The following GRID2 variants were observed in gnomAD, a reference collection of about 807,000 sequenced individuals.
The protein encoded by GRID2 is glutamate ionotropic receptor delta type subunit 2, also known as glutamate receptor ionotropic, delta-2.
Under a neutral mutation model 114.8 loss-of-function variants are expected in GRID2, and 33 were observed. That is an observed-to-expected ratio of 0.29 (90% CI 0.22 to 0.38). The LOEUF (loss-of-function observed/expected upper bound fraction) is 0.38. Among genes scored for constraint, GRID2 ranks in the 10% least tolerant of loss-of-function variants. The pLI, the probability that GRID2 is intolerant of heterozygous loss-of-function variation, is 1.00. For missense variants in GRID2, 1,184 were observed against 1,257.7 expected (o/e 0.94, Z 0.89); for synonymous variants, 505 against 449.9 (o/e 1.12, Z -1.55).
At chr4:93,530,025 A>G (rs1731290138) in intron 13 of GRID2, among the ~76,000 whole-genome samples, 1 of 152,136 alleles carries the variant, frequency 6.6e-6, no homozygotes, top group South Asian at 2.1e-4. Flanking sequence ...AATCATTTTC[A>G]TTGCCTTCAT....
chr4:92,758,450 A>C (rs926577012), intron 2 of GRID2, among the ~76,000 whole-genome samples: 2 of 152,092 alleles, frequency 1.3e-5, no homozygotes, highest in African/African-American at 4.8e-5. Context: ...GTGGGTCCTC[A>C]TAGTCTAGTG....
At chr4:93,631,285 T>C (rs1720833928) in intron 14 of GRID2, among the ~76,000 whole-genome samples, 1 of 152,162 alleles carries the variant, frequency 6.6e-6, no homozygotes, top group Non-Finnish European at 1.5e-5. Flanking sequence ...GTTACATATG[T>C]ATACATGTGC....
chr4:92,858,505 G>T (rs1264764387), intron 2 of GRID2, among the ~76,000 whole-genome samples: 2 of 152,186 alleles, frequency 1.3e-5, no homozygotes, highest in African/African-American at 4.8e-5. Flanking sequence ...CTGAAGAAGT[G>T]ACTGAATTGC....
At chr4:93,038,128 C>G (rs367571521) in intron 2 of GRID2, among the ~76,000 whole-genome samples, 2 of 151,926 alleles carry the variant, frequency 1.3e-5, no homozygotes, top group East Asian at 3.9e-4. Context: ...TCCTCTCTTA[C>G]TTCCTTGAGC....
intron 13 of GRID2, among the ~76,000 whole-genome samples, chr4:93,580,751 G>A (rs375239140): frequency 1.6e-3 from 236 of 146,410 alleles, no homozygotes; most frequent in African/African-American, 5.0e-3. Context: ...CTGGCAAAGA[G>A]CATTTTTTTT....
At chr4:92,682,554 GA>G (rs1190250757) in intron 2 of GRID2, among the ~76,000 whole-genome samples, 1 of 152,028 alleles carries the variant, frequency 6.6e-6, no homozygotes, top group East Asian at 1.9e-4. Flanking sequence ...CCCAGCCAAG[GA>G]AAAAAACTGG....
chr4:93,593,181 A>C (rs1029868347), intron 13 of GRID2, among the ~76,000 whole-genome samples: 1 of 149,962 alleles, frequency 6.7e-6, no homozygotes, highest in African/African-American at 2.4e-5. Flanking sequence ...ATGATTTTGC[A>C]GCAGCTGGTA....
At chr4:93,802,021 A>G (rs151000107) in intron 1 of GRID2, among the ~76,000 whole-genome samples, 34 of 152,344 alleles carry the variant, frequency 2.2e-4, no homozygotes, top group Admixed American at 1.2e-3. Context: ...TGAGGGAGAC[A>G]GAGAATCCAG....
intron 8 of GRID2, among the ~76,000 whole-genome samples, chr4:93,348,547 T>C (rs1436717664): frequency 3.3e-5 from 5 of 152,144 alleles, no homozygotes; most frequent in Non-Finnish European, 5.9e-5. Context: ...CCTTCACCTA[T>C]GCTTTAGAAA....
At chr4:93,008,458 C>A (rs1560790701) in intron 2 of GRID2, among the ~76,000 whole-genome samples, 1 of 152,046 alleles carries the variant, frequency 6.6e-6, no homozygotes, top group Non-Finnish European at 1.5e-5. Context: ...GTTGAATTTT[C>A]TTTCTTTCTG....
intron 5 of GRID2, among the ~76,000 whole-genome samples, chr4:93,212,632 T>C (rs1743672533): frequency 6.6e-6 from 1 of 152,164 alleles, no homozygotes; most frequent in Non-Finnish European, 1.5e-5. Flanking sequence ...TTCTATTGCC[T>C]GATAATATCA....
rs1283361484 is a variant in GRID2 at position 92,350,265 on chromosome 4, G to C, written c.88+45521G>C. 4.0e-5 allele frequency among the ~76,000 whole-genome samples: 6 copies of C among 151,692 alleles called. 1 individual carries two copies. Among genetic ancestry groups the C allele is most frequent in the South Asian group, 4.1e-4 (2 of 4,820 alleles). On this transcript the variant is annotated intron_variant, in intron 1 of 15. Coordinates refer to ENST00000282020, the MANE Select transcript of GRID2 (RefSeq NM_001510.4). ...TTCTTTCCCTTATAACTATATTGCT[G>C]TTTCCTCCAACAAATGCCCAAAGGA...
intron 2 of GRID2, among the ~76,000 whole-genome samples, chr4:92,922,852 C>T (rs1578483994): frequency 6.6e-6 from 1 of 152,148 alleles, no homozygotes; most frequent in Admixed American, 6.5e-5. Flanking sequence ...CAGAACTAAT[C>T]TATGCTGTTA....
intron 13 of GRID2, among the ~76,000 whole-genome samples, chr4:93,571,450 G>A (rs1447242783): frequency 6.6e-6 from 1 of 152,106 alleles, no homozygotes; most frequent in Non-Finnish European, 1.5e-5. Flanking sequence ...GCCATTGAAA[G>A]CTAACTTTCA....
intron 1 of GRID2, among the ~76,000 whole-genome samples, chr4:92,327,324 A>G (rs961368168): frequency 1.5e-4 from 23 of 151,876 alleles, no homozygotes; most frequent in Admixed American, 1.3e-3. Flanking sequence ...TAGATAATTA[A>G]ATATCAGTTT....
At chr4:93,234,970 T>C (rs1746599631) in intron 7 of GRID2, among the ~76,000 whole-genome samples, 1 of 152,130 alleles carries the variant, frequency 6.6e-6, no homozygotes, top group Non-Finnish European at 1.5e-5. Context: ...CAAAAGTATC[T>C]CTTAAGTTCC....
At chr4:93,303,637 C>T (rs1755103354) in intron 8 of GRID2, among the ~76,000 whole-genome samples, 1 of 152,220 alleles carries the variant, frequency 6.6e-6, no homozygotes, top group Non-Finnish European at 1.5e-5. Flanking sequence ...TTCTCTGATT[C>T]ATAGACTCAT....
chr4:92,338,074 G>A (rs185463440), intron 1 of GRID2, among the ~76,000 whole-genome samples: 3 of 152,214 alleles, frequency 2.0e-5, no homozygotes, highest in Non-Finnish European at 4.4e-5. Flanking sequence ...GATGCTGCAT[G>A]GAAGAGATTT....
At chr4:92,837,495 C>T (rs1332282356) in intron 2 of GRID2, among the ~76,000 whole-genome samples, 1 of 149,286 alleles carries the variant, frequency 6.7e-6, no homozygotes, top group Non-Finnish European at 1.5e-5. Context: ...AAAAAAAAGG[C>T]CATGTACATT....
Sources: gnomAD v4.1 joint callset for allele counts (sites outside exome capture counted in the v4.1 genomes callset) on GRCh38, gnomAD v4.1.1 for gene constraint, MANE v1.5 for transcripts, NCBI Gene and HGNC (gene_info 2026-07-23, HGNC 2026-07-21) for gene names.